FBXL17: variants seen among roughly 807,000 people sequenced by gnomAD.
FBXL17 encodes the protein F-box and leucine rich repeat protein 17, also known as F-box/LRR-repeat protein 17.
FBXL17 carries 22 observed loss-of-function variants against 66.2 expected under a neutral mutation model. The ratio of observed to expected loss-of-function variants is 0.33; its 90% CI spans 0.24 to 0.47. The LOEUF (loss-of-function observed/expected upper bound fraction) is 0.47. Among genes scored for constraint, FBXL17 ranks in the 20% least tolerant of loss-of-function variants. The pLI is 1.00. For missense variants in FBXL17, 878 were observed against 948.2 expected (o/e 0.93, Z 0.97); for synonymous variants, 474 against 400.5 (o/e 1.18, Z -2.19).
rs1209278484 is a variant in FBXL17 at position 107,861,468 on chromosome 5, G to A, written c.*252C>T. 3.4e-6 allele frequency: 1 copy of A among 292,896 alleles called. No individual in the cohort carries two copies. Among genetic ancestry groups the A allele is most frequent in the Non-Finnish European group, 6.2e-6 (1 of 161,366 alleles). 18.1% of individuals were successfully genotyped at this position (292,896 alleles called of 1,614,324 possible). On this transcript the variant is annotated 3_prime_UTR_variant, in exon 9 of 9. Coordinates refer to ENST00000542267, the MANE Select transcript of FBXL17 (RefSeq NM_001163315.3). ...ATAATTTTTTTTTAAAGAGAAAGAA[G>A]CCTTTGAAGTTAAAAACTAAAAAGT...
intron 6 of FBXL17, among the ~76,000 whole-genome samples, chr5:108,162,420 C>G (rs1739643918): frequency 6.6e-6 from 1 of 152,072 alleles, no homozygotes; most frequent in Non-Finnish European, 1.5e-5. Flanking sequence ...TGCTTGAGCC[C>G]ACAAGTTCAA....
At chr5:107,999,306 T>C (rs921157723) in intron 7 of FBXL17, among the ~76,000 whole-genome samples, 1 of 152,306 alleles carries the variant, frequency 6.6e-6, no homozygotes. Context: ...GAGAGCATTA[T>C]GCCTTTTACC....
intron 6 of FBXL17, among the ~76,000 whole-genome samples, chr5:108,086,042 T>C (rs763164128): frequency 8.5e-5 from 13 of 152,192 alleles, no homozygotes; most frequent in Non-Finnish European, 1.5e-4. Context: ...AAATCATTCA[T>C]AGAAATCAGA....
intron 4 of FBXL17, among the ~76,000 whole-genome samples, chr5:108,317,464 C>T (rs1366501683): frequency 2.0e-5 from 3 of 150,844 alleles, no homozygotes; most frequent in African/African-American, 7.3e-5. Flanking sequence ...AAAAAAACCA[C>T]ATGTACCTGA....
chr5:108,150,000 T>C (rs146728482), intron 6 of FBXL17, among the ~76,000 whole-genome samples: 1 of 152,304 alleles, frequency 6.6e-6, no homozygotes, highest in East Asian at 1.9e-4. Flanking sequence ...AAGAGTAGAA[T>C]GTACACCCAT....
intron 6 of FBXL17, among the ~76,000 whole-genome samples, chr5:108,040,389 A>G (rs4144476): frequency 0.12 from 18,107 of 152,092 alleles, 1,355 homozygotes; most frequent in East Asian, 0.17. Context: ...ATACTTCTAG[A>G]CCACCATATA....
chr5:108,250,053 C>A (rs1756275851), intron 4 of FBXL17, among the ~76,000 whole-genome samples: 1 of 152,074 alleles, frequency 6.6e-6, no homozygotes, highest in African/African-American at 2.4e-5. Context: ...TAAATCTCTT[C>A]AAAGGTTTTT....
At chr5:108,362,077 A>T (rs768140283) in intron 3 of FBXL17, among the ~76,000 whole-genome samples, 1 of 152,142 alleles carries the variant, frequency 6.6e-6, no homozygotes, top group Non-Finnish European at 1.5e-5. Flanking sequence ...TGGATCTGAT[A>T]GTTTAGGCTT....
intron 3 of FBXL17, among the ~76,000 whole-genome samples, chr5:108,352,679 T>C (rs1747729515): frequency 6.6e-6 from 1 of 152,034 alleles, no homozygotes; most frequent in South Asian, 2.1e-4. Context: ...CCCAGCTAAT[T>C]TTTGTATTTT....
chr5:107,941,547 T>C (rs1751100142), intron 7 of FBXL17, among the ~76,000 whole-genome samples: 1 of 152,178 alleles, frequency 6.6e-6, no homozygotes, highest in Non-Finnish European at 1.5e-5. Flanking sequence ...ATAGACACCT[T>C]AGCTCATGTA....
rs1205547115 is a variant in FBXL17, at chr5:107,859,571, C to G, written c.*2149G>C. ...CCCACCCCACCCCCACCCCCCCAAG[C>G]TAAAGCATGTTATAGTGCTGTACTT... On this transcript the variant is annotated 3_prime_UTR_variant, in exon 9 of 9. Transcript: ENST00000542267. 1 of 136,016 alleles carries G rather than the reference C, an allele frequency of 7.4e-6. No homozygotes were observed. The highest frequency in any genetic ancestry group is 1.5e-5 in the Non-Finnish European group (1 of 64,674). The allele number at this position is 136,016 out of a possible 1,614,324, so 8.4% of individuals were successfully genotyped here. A position where few individuals can be genotyped will look rare whatever the true frequency, so the allele number is the denominator to read the frequency against.
rs145409649 is a variant in FBXL17 at position 108,302,648 on chromosome 5, G to A, written c.1506+45751C>T. On this transcript the variant is annotated intron_variant, in intron 4 of 8. Transcript: ENST00000542267. ...GTTAATTTTACTATATTTAAATAAC[G>A]TTTTAAGGAATGAAATGTTTTCTAT... Among the ~76,000 whole-genome samples, 421 of 151,584 alleles carry A rather than the reference G, an allele frequency of 2.8e-3. 4 individuals carry two copies. Among genetic ancestry groups the A allele is most frequent in the African/African-American group, 9.2e-3 (382 of 41,430 alleles).
At chr5:108,095,591 T>C (rs554703501) in intron 6 of FBXL17, among the ~76,000 whole-genome samples, 1 of 152,276 alleles carries the variant, frequency 6.6e-6, no homozygotes, top group Admixed American at 6.5e-5. Context: ...ACAATTTAGA[T>C]AATTTTTGAT....
At position 108,016,782 on chromosome 5, in the gene FBXL17, C is replaced by CTTT. The variant is rs372887324; in HGVS notation, c.1822+4140_1822+4142dup. ...ATTATCTTTTTTTCTTTCTTTCTTT[C>CTTT]TTTCTTTTTTTTTTGAGACAGAGTT... is the stretch of plus-strand genomic sequence containing the variant. On this transcript the variant is annotated intron_variant, in intron 7 of 8. Coordinates refer to ENST00000542267, the MANE Select transcript of FBXL17 (RefSeq NM_001163315.3). Among the ~76,000 whole-genome samples, 92 of 146,492 alleles carry CTTT rather than the reference C, an allele frequency of 6.3e-4. 2 individuals carry two copies. The highest frequency in any genetic ancestry group is 1.5e-3 in the Admixed American group (22 of 14,398).
chr5:108,328,184 T>A (rs182956687), intron 4 of FBXL17, among the ~76,000 whole-genome samples: 24 of 152,262 alleles, frequency 1.6e-4, no homozygotes, highest in Admixed American at 1.2e-3. Context: ...AAGAAAAATA[T>A]GCTCACTAAT....
At chr5:108,204,033 C>T (rs1332278734) in intron 5 of FBXL17, among the ~76,000 whole-genome samples, 2 of 152,042 alleles carry the variant, frequency 1.3e-5, no homozygotes, top group African/African-American at 2.4e-5. Flanking sequence ...CTGTTACCTT[C>T]CTAAGGAACT....
In FBXL17 at chr5:108,309,325, C is replaced by G. The variant is rs114399702; in HGVS notation, c.1506+39074G>C. 9.0e-3 allele frequency among the ~76,000 whole-genome samples: 1,371 copies of G among 151,712 alleles called. 22 individuals carry two copies. The highest frequency in any genetic ancestry group is 0.03 in the African/African-American group (1,245 of 41,440). On this transcript the variant is annotated intron_variant, in intron 4 of 8. Transcript: ENST00000542267. ...TTAACAAGTCTGAAATGAAATTGAC[C>G]AAATTATTAACAGATTATGTGTTTG... is the stretch of plus-strand genomic sequence containing the variant.
intron 7 of FBXL17, among the ~76,000 whole-genome samples, chr5:108,005,477 T>C (rs956169694): frequency 6.6e-6 from 1 of 152,182 alleles, no homozygotes; most frequent in Non-Finnish European, 1.5e-5. Context: ...CTAATACATA[T>C]AGAATCGTTT....
chr5:107,960,083 G>A (rs1471919915), intron 7 of FBXL17, among the ~76,000 whole-genome samples: 1 of 152,130 alleles, frequency 6.6e-6, no homozygotes, highest in African/African-American at 2.4e-5. Context: ...AGAACTCTGT[G>A]ATTACTATTG....
Sources: allele counts gnomAD v4.1 joint callset (sites outside exome capture counted in the v4.1 genomes callset), GRCh38; gene constraint gnomAD v4.1.1; transcripts MANE v1.5; gene names NCBI Gene and HGNC (gene_info 2026-07-23, HGNC 2026-07-21).